SLC30A7: variants seen among roughly 807,000 people sequenced by gnomAD.
SLC30A7 encodes the protein zinc transporter 7.
SLC30A7 carries 35 observed loss-of-function variants against 46.0 expected under a neutral mutation model. That is an observed-to-expected ratio of 0.76 (90% CI 0.58 to 1.01). The LOEUF (loss-of-function observed/expected upper bound fraction) is 1.01. Ranked by LOEUF, SLC30A7 falls within the 50% of genes least tolerant of loss-of-function variation. The pLI, the probability that SLC30A7 is intolerant of heterozygous loss-of-function variation, is 0.00. For synonymous variants in SLC30A7, 147 were observed against 157.8 expected (o/e 0.93, Z 0.51); for missense variants, 464 against 451.1 (o/e 1.03, Z -0.26).
In SLC30A7 at chr1:100,979,436, C is replaced by CAAAAAAAAAAAAAAAAAAAAAAAAAAAA. The variant is rs67182429; in HGVS notation, c.*4601_*4602insAAAAAAAAAAAAAAAAAAAAAAAAAAAA. ...CAAATACAGTGAAAGATTATGTATCCAAAAAAAAAAAAAAAAAAAAAAGAA... is the reference window on the plus strand; with the variant it reads ...CAAATACAGTGAAAGATTATGTATCCAAAAAAAAAAAAAAAAAAAAAAAAAAAAAAAAAAAAAAAAAAAAAAAAAAGAA... On this transcript the variant is annotated 3_prime_UTR_variant, in exon 11 of 11. Transcript: ENST00000357650. 5.5e-5 allele frequency: 5 copies of CAAAAAAAAAAAAAAAAAAAAAAAAAAAA among 90,578 alleles called. No homozygotes were observed. The highest frequency in any genetic ancestry group is 8.8e-5 in the Non-Finnish European group (4 of 45,636). The allele number at this position is 90,578 out of a possible 1,614,324, so 5.6% of individuals were successfully genotyped here.
chr1:100,927,844 A>G (rs1466776582), intron 8 of SLC30A7, among the ~76,000 whole-genome samples: 4 of 152,030 alleles, frequency 2.6e-5, no homozygotes, highest in Non-Finnish European at 4.4e-5. Flanking sequence ...GTGGCCTAAG[A>G]TAGGGTCAAT....
At chr1:100,990,772 C>T in the SLC30A7 span, 1 of 739,142 alleles carries the variant, frequency 1.4e-6, no homozygotes, top group Non-Finnish European at 2.2e-6. Flanking sequence ...GACCAGTTAT[C>T]CATTAATTCA....
chr1:100,929,113 T>C (rs904054836), intron 8 of SLC30A7, among the ~76,000 whole-genome samples: 81 of 151,878 alleles, frequency 5.3e-4, no homozygotes, highest in African/African-American at 1.9e-3. Context: ...TGTGTGTGTG[T>C]GCGTGCCTGT....
chr1:100,923,501 A>C (rs1454213655), intron 8 of SLC30A7, among the ~76,000 whole-genome samples: 1 of 152,250 alleles, frequency 6.6e-6, no homozygotes, highest in Non-Finnish European at 1.5e-5. Flanking sequence ...TTATAAGCTC[A>C]GCACAGTGCT....
chr1:100,982,599 CT>C (rs1558021031), downstream of SLC30A7, among the ~76,000 whole-genome samples: 1 of 152,140 alleles, frequency 6.6e-6, no homozygotes, highest in African/African-American at 2.4e-5. Context: ...CCTTTGAAAT[CT>C]TTTACTTTCT....
chr1:100,931,023 A>T lies in SLC30A7; in HGVS notation c.842+9182A>T, dbSNP rs1181271458. 2.6e-5 allele frequency among the ~76,000 whole-genome samples: 4 copies of T among 152,148 alleles called. No homozygotes were observed. The East Asian group carries it at 7.7e-4, about 29-fold the overall frequency. ...TTGGGGCAATTGAGAAATAGTCGCT[A>T]AAATCATTTTCTGTGTTCATTGGTT... is the stretch of plus-strand genomic sequence containing the variant. On this transcript the variant is annotated intron_variant, in intron 8 of 10. Transcript: ENST00000357650.
At chr1:100,896,441 C>T in intron 1 of SLC30A7, 99 bp downstream of exon 1, 1 of 1,464,446 alleles carries the variant, frequency 6.8e-7, no homozygotes. Flanking sequence ...GAGTCAAAAA[C>T]TCCCCGTCAA....
intron 10 of SLC30A7, among the ~76,000 whole-genome samples, chr1:100,968,576 T>C (rs1354630509): frequency 6.6e-6 from 1 of 152,216 alleles, no homozygotes; most frequent in Non-Finnish European, 1.5e-5. Context: ...CAACAGACTT[T>C]TAAAGTCTGT....
intron 8 of SLC30A7, among the ~76,000 whole-genome samples, chr1:100,953,284 G>C (rs1229012383): frequency 1.3e-5 from 2 of 152,158 alleles, no homozygotes; most frequent in Non-Finnish European, 2.9e-5. Context: ...TATGAAGGCA[G>C]ACAAATACAA....
chr1:100,904,565 A>T (rs1377368366), intron 2 of SLC30A7, among the ~76,000 whole-genome samples: 1 of 151,798 alleles, frequency 6.6e-6, no homozygotes, highest in African/African-American at 2.4e-5. Flanking sequence ...GTATTTTGAA[A>T]TTTTTTTTAT....
At chr1:100,988,464 C>A in the SLC30A7 span, among the ~76,000 whole-genome samples, 1 of 152,124 alleles carries the variant, frequency 6.6e-6, no homozygotes, top group Non-Finnish European at 1.5e-5. Flanking sequence ...TTATATAGTT[C>A]TTAAATGTTT....
intron 10 of SLC30A7, among the ~76,000 whole-genome samples, chr1:100,973,489 C>T (rs1323064429): frequency 6.6e-6 from 1 of 152,028 alleles, no homozygotes; most frequent in Non-Finnish European, 1.5e-5. Flanking sequence ...CTGGCTCTCA[C>T]TTGAGGTTCT....
chr1:100,963,007 A>T (rs1031341583), intron 9 of SLC30A7, among the ~76,000 whole-genome samples: 2 of 152,250 alleles, frequency 1.3e-5, no homozygotes, highest in African/African-American at 4.8e-5. Context: ...AGGTTTGAGG[A>T]TGGAAAATCT....
At chr1:100,987,214 C>A in the SLC30A7 span, among the ~76,000 whole-genome samples, 2 of 152,028 alleles carry the variant, frequency 1.3e-5, no homozygotes, top group Admixed American at 6.6e-5. Context: ...TTATGATTTT[C>A]TTTATTTATT....
intron 2 of SLC30A7, among the ~76,000 whole-genome samples, chr1:100,900,796 G>A (rs1651256898): frequency 6.6e-6 from 1 of 152,002 alleles, no homozygotes; most frequent in South Asian, 2.1e-4. Context: ...ACCTGGTAAG[G>A]GATTTCTGAA....
chr1:100,985,423 T>G (rs530440290), downstream of SLC30A7, among the ~76,000 whole-genome samples: 1 of 152,294 alleles, frequency 6.6e-6, no homozygotes, highest in East Asian at 1.9e-4. Flanking sequence ...ACAAGCTCAT[T>G]CTAACGTTTA....
intron 10 of SLC30A7, among the ~76,000 whole-genome samples, chr1:100,968,312 T>C (rs1655969613): frequency 6.6e-6 from 1 of 151,842 alleles, no homozygotes; most frequent in Non-Finnish European, 1.5e-5. Context: ...AATACAAAAA[T>C]TAGCTGGGTA....
At position 100,896,331 on chromosome 1, in the gene SLC30A7, G is replaced by C. The variant is rs1174463193; in HGVS notation, c.69G>C (p.Ser23=). The C allele has an allele frequency of 6.2e-7, 1 of 1,614,174 alleles. No individual in the cohort carries two copies. Among genetic ancestry groups the C allele is most frequent in the Non-Finnish European group, 8.5e-7 (1 of 1,180,034 alleles). The change falls in exon 1 of 11, where the codon TCG becomes TCC. Residue 23 remains serine, a synonymous_variant. Transcript: ENST00000357650. The part of the protein sequence containing the change: ...PPKFNLFGKI[S]GWFRSILSDK... Reference sequence around the variant, plus strand: ...AGTTCAATTTGTTCGGCAAGATCTCGGGCTGGTTTAGGTGCGGGGTGCTGT... The same window carrying C: ...AGTTCAATTTGTTCGGCAAGATCTCCGGCTGGTTTAGGTGCGGGGTGCTGT...
At chr1:100,924,730 T>G (rs1191739710) in intron 8 of SLC30A7, among the ~76,000 whole-genome samples, 2 of 143,778 alleles carry the variant, frequency 1.4e-5, no homozygotes, top group Admixed American at 1.4e-4. Flanking sequence ...AATTTGTGGG[T>G]TTTTTTTTTC....
Sources: allele counts gnomAD v4.1 joint callset (sites outside exome capture counted in the v4.1 genomes callset), GRCh38; gene constraint gnomAD v4.1.1; transcripts MANE v1.5; gene names NCBI Gene and HGNC (gene_info 2026-07-23, HGNC 2026-07-21).